Variants in ARHGEF33 observed in about 807,000 individuals in gnomAD.
ARHGEF33 encodes the protein DH and coiled-coil domain-containing protein ENSP00000381780.
A neutral mutation model predicts 101.9 loss-of-function variants in ARHGEF33; 72 were observed. That is an observed-to-expected ratio of 0.71 (90% confidence interval 0.58 to 0.86). The LOEUF is 0.86. Ranked by LOEUF, ARHGEF33 falls within the 40% of genes least tolerant of loss-of-function variation. The pLI is 0.00. For missense variants in ARHGEF33, 1,169 were observed against 1,111.3 expected, an observed-to-expected ratio of 1.05 and a Z score of -0.74; for synonymous variants, 499 against 442.5, an observed-to-expected ratio of 1.13 and a Z score of -1.60.
chr2:38,890,630 G>A (rs569532789), intron 1 of ARHGEF33, among the ~76,000 whole-genome samples: 2 of 152,250 alleles, frequency 1.3e-5, no homozygotes, highest in African/African-American at 4.8e-5. Context: ...ATTATAATTA[G>A]TATTGGAATT....
Position 38,956,976 on chromosome 2 carries a change from T to C in ARHGEF33, c.1299T>C (p.Phe433=), listed in dbSNP as rs1667784377. Reference sequence around the variant, plus strand: ...TGTGTGTCCAGCGCCTCCGAGTATTTATCTCACACTACACCCTGCTGTTTC... The same window carrying C: ...TGTGTGTCCAGCGCCTCCGAGTATTCATCTCACACTACACCCTGCTGTTTC... The part of the protein sequence containing the change: ...LLVCVQRLRV[F]ISHYTLLFQC... Residue 433 remains phenylalanine, a synonymous_variant, in exon 14 of 18, where the codon TTT becomes TTC. Coordinates refer to ENST00000409978, the MANE Select transcript of ARHGEF33 (RefSeq NM_001145451.5). 1 of 1,552,300 alleles carries C rather than the reference T, an allele frequency of 6.4e-7. No individual in the cohort carries two copies. Among genetic ancestry groups the C allele is most frequent in the Non-Finnish European group, 8.7e-7 (1 of 1,147,122 alleles).
chr2:38,910,961 G>T (rs1666496604), intron 2 of ARHGEF33, among the ~76,000 whole-genome samples: 1 of 152,088 alleles, frequency 6.6e-6, no homozygotes. Flanking sequence ...TGTAACTTTG[G>T]GCAAATAATT....
chr2:38,960,140 C>A lies in ARHGEF33; in HGVS notation c.1835C>A (p.Ala612Asp), dbSNP rs1034120787. The stretch of plus-strand genomic sequence containing the variant: ...GATGCCCGCGGCTTCGTGCCCGCGG[C>A]CTACGAAGAGTTCGAGTACGGCGGC... ...LPDARGFVPAAYEEFEYGGEI... is the reference protein window; with the variant it reads ...LPDARGFVPADYEEFEYGGEI... Residue 612 changes from alanine to aspartate, a missense_variant, in exon 16 of 18, where the codon GCC becomes GAC. Ala to Asp is a moderately radical substitution (Grantham distance 126). Transcript: ENST00000409978. The A allele has an allele frequency of 2.6e-6, 4 of 1,542,734 alleles. No homozygotes were observed. The African/African-American group carries it at 4.1e-5, about 16-fold the overall frequency.
In ARHGEF33 at chr2:38,889,902, T is replaced by A; in HGVS notation, c.-243T>A. 1 of 471,080 alleles carries A rather than the reference T, an allele frequency of 2.1e-6. No individual in the cohort carries two copies. Among genetic ancestry groups the A allele is most frequent in the Non-Finnish European group, 4.4e-6 (1 of 226,986 alleles). The allele number at this position is 471,080 out of a possible 1,614,324, so 29.2% of individuals were successfully genotyped here. ...TTCAGGGGAAGTCAAGCCTCTCTACTGCTTCTTTTTATAACCTTTAAGTTA... is the reference window on the plus strand; with the variant it reads ...TTCAGGGGAAGTCAAGCCTCTCTACAGCTTCTTTTTATAACCTTTAAGTTA... On this transcript the variant is annotated 5_prime_UTR_variant, in exon 1 of 18. Coordinates refer to ENST00000409978, the MANE Select transcript of ARHGEF33 (RefSeq NM_001145451.5).
intron 17 of ARHGEF33, among the ~76,000 whole-genome samples, chr2:38,966,957 T>TAG (rs1668064232): frequency 6.6e-6 from 1 of 152,134 alleles, no homozygotes; most frequent in African/African-American, 2.4e-5. Flanking sequence ...CCCTCTCCCT[T>TAG]AGAGAGATTT....
At chr2:38,907,882 A>G (rs1221250710) in intron 2 of ARHGEF33, among the ~76,000 whole-genome samples, 1 of 147,342 alleles carries the variant, frequency 6.8e-6, no homozygotes, top group African/African-American at 2.5e-5. Context: ...TTTTTTAGAC[A>G]ATGTCTCACT....
intron 3 of ARHGEF33, among the ~76,000 whole-genome samples, chr2:38,920,075 T>C (rs1425653924): frequency 1.3e-5 from 2 of 152,228 alleles, no homozygotes; most frequent in Non-Finnish European, 2.9e-5. Context: ...CTTCTGTGTG[T>C]ATAAATTCTG....
chr2:38,898,341 C>T (rs1474262851), intron 2 of ARHGEF33, among the ~76,000 whole-genome samples: 1 of 152,168 alleles, frequency 6.6e-6, no homozygotes, highest in East Asian at 1.9e-4. Context: ...ATTTGGGCAG[C>T]ACATTGACTC....
At chr2:38,967,557 T>A (rs765182054) in intron 17 of ARHGEF33, among the ~76,000 whole-genome samples, 17 of 152,036 alleles carry the variant, frequency 1.1e-4, no homozygotes, top group African/African-American at 3.9e-4. Flanking sequence ...CAGACACCTC[T>A]CCAGCCCACC....
At chr2:38,908,283 C>T (rs1389895765) in intron 2 of ARHGEF33, among the ~76,000 whole-genome samples, 1 of 152,052 alleles carries the variant, frequency 6.6e-6, no homozygotes, top group Non-Finnish European at 1.5e-5. Context: ...CTTCCCTGAC[C>T]AGACACAGAG....
chr2:38,933,433 G>T (rs1667057854), intron 7 of ARHGEF33, among the ~76,000 whole-genome samples: 1 of 152,074 alleles, frequency 6.6e-6, no homozygotes. Flanking sequence ...GCCCAGGCTG[G>T]AGTACAATGG....
chr2:38,896,582 C>T (rs1200640666), intron 2 of ARHGEF33, among the ~76,000 whole-genome samples: 1 of 152,154 alleles, frequency 6.6e-6, no homozygotes, highest in African/African-American at 2.4e-5. Context: ...GGCTAGGTAA[C>T]TATTATGCCC....
intron 1 of ARHGEF33, among the ~76,000 whole-genome samples, chr2:38,894,176 CA>C (rs1453126401): frequency 1.3e-5 from 2 of 151,688 alleles, no homozygotes; most frequent in Non-Finnish European, 2.9e-5. Flanking sequence ...AAACAAAAAA[CA>C]AAAAAATTAG....
intron 1 of ARHGEF33, among the ~76,000 whole-genome samples, chr2:38,890,857 A>G (rs1224186171): frequency 1.3e-5 from 2 of 152,224 alleles, no homozygotes; most frequent in Non-Finnish European, 2.9e-5. Flanking sequence ...AACATTTTTC[A>G]CAAACTGAAT....
At chr2:38,917,099 C>CTTTTTTTTTTT (rs1558426821) in intron 2 of ARHGEF33, among the ~76,000 whole-genome samples, 1 of 40,192 alleles carries the variant, frequency 2.5e-5, no homozygotes, top group Non-Finnish European at 5.2e-5. Flanking sequence ...TGCAACCGGT[C>CTTTTTTTTTTT]TTCTTTTTTT....
At chr2:38,953,574 A>T (rs889089825) in intron 12 of ARHGEF33, among the ~76,000 whole-genome samples, 1 of 152,190 alleles carries the variant, frequency 6.6e-6, no homozygotes, top group African/African-American at 2.4e-5. Context: ...GTCTCAGAAG[A>T]TGTGAATCTG....
intron 4 of ARHGEF33, among the ~76,000 whole-genome samples, chr2:38,926,690 G>C (rs901337595): frequency 6.6e-6 from 1 of 152,172 alleles, no homozygotes; most frequent in Non-Finnish European, 1.5e-5. Flanking sequence ...GAGAGCTGGG[G>C]TTCTGCAGGG....
In ARHGEF33 at chr2:38,965,989, C is replaced by T; in HGVS notation, c.2344-17C>T. On this transcript the variant is annotated splice_polypyrimidine_tract_variant and intron_variant, in intron 16 of 17. Coordinates refer to ENST00000409978, the MANE Select transcript of ARHGEF33 (RefSeq NM_001145451.5). ...TTGGAAGGAGTAAAGAAAAAAATCC[C>T]TCTTTTTTGTTTCCAGGAGATGCAT... is the stretch of plus-strand genomic sequence containing the variant. 1 of 1,550,320 alleles carries T rather than the reference C, an allele frequency of 6.5e-7. No individual in the cohort carries two copies. Among genetic ancestry groups the T allele is most frequent in the Non-Finnish European group, 8.7e-7 (1 of 1,146,520 alleles).
chr2:38,929,302 G>A (rs917146259), intron 5 of ARHGEF33, among the ~76,000 whole-genome samples: 21 of 152,026 alleles, frequency 1.4e-4, no homozygotes, highest in African/African-American at 2.4e-5. Context: ...GGTGGCAGGC[G>A]CCTGTAGTCC....
Sources: allele counts gnomAD v4.1 joint callset (sites outside exome capture counted in the v4.1 genomes callset), GRCh38; gene constraint gnomAD v4.1.1; transcripts MANE v1.5; gene names NCBI Gene and HGNC (gene_info 2026-07-23, HGNC 2026-07-21).